The following OR9Q1 variants were observed in gnomAD, a reference collection of about 807,000 sequenced individuals.
OR9Q1 encodes the protein olfactory receptor 9Q1.
For synonymous variants in OR9Q1, 153 were observed against 148.6 expected, an observed-to-expected ratio of 1.03 and a Z score of -0.22; for missense variants, 374 against 378.8, an observed-to-expected ratio of 0.99 and a Z score of 0.11.
intron 2 of OR9Q1, among the ~76,000 whole-genome samples, chr11:58,126,646 A>G (rs1364859054): frequency 2.6e-5 from 4 of 152,218 alleles, no homozygotes; most frequent in African/African-American, 9.6e-5. Flanking sequence ...TCTACCTTCC[A>G]ATACATTTTT....
rs557230196 is a variant in OR9Q1, at chr11:58,024,303, C to G, written c.-93+199C>G. Among the ~76,000 whole-genome samples the G allele has an allele frequency of 1.2e-3, 177 of 152,220 alleles. 1 individual carries two copies. The highest frequency in any genetic ancestry group is 4.1e-3 in the African/African-American group (172 of 41,544). ...CCTGGGCATCTCCTAGCCCCGCTGT[C>G]TGTCTCATAACACCCACCCACTGCG... On this transcript the variant is annotated intron_variant, in intron 1 of 2. Transcript: ENST00000335397.
chr11:58,179,147 C>T (rs1018776666), intron 2 of OR9Q1, among the ~76,000 whole-genome samples: 1 of 151,224 alleles, frequency 6.6e-6, no homozygotes, highest in South Asian at 2.1e-4. Flanking sequence ...GCCTCTCTCC[C>T]GAGTAGCTGG....
intron 2 of OR9Q1, among the ~76,000 whole-genome samples, chr11:58,154,026 A>G (rs1854379846): frequency 6.6e-6 from 1 of 152,066 alleles, no homozygotes; most frequent in South Asian, 2.1e-4. Context: ...AAGGCCAGAA[A>G]GCTGTATTTA....
chr11:58,115,358 G>A (rs1240864893), intron 2 of OR9Q1, among the ~76,000 whole-genome samples: 1 of 152,032 alleles, frequency 6.6e-6, no homozygotes, highest in Non-Finnish European at 1.5e-5. Context: ...AATTCAAGAG[G>A]ATATTGTACA....
intron 2 of OR9Q1, chr11:58,109,269 G>A (rs893030004): frequency 2.2e-6 from 1 of 462,822 alleles, no homozygotes; most frequent in Non-Finnish European, 4.4e-6. Flanking sequence ...TCATGTTACA[G>A]TGCAGTGGAT....
intron 2 of OR9Q1, among the ~76,000 whole-genome samples, chr11:58,114,517 G>A (rs535077181): frequency 6.6e-6 from 1 of 152,206 alleles, no homozygotes; most frequent in Admixed American, 6.5e-5. Context: ...GCTGACTACA[G>A]GGATATTAAA....
intron 2 of OR9Q1, among the ~76,000 whole-genome samples, chr11:58,150,957 G>A (rs999206333): frequency 3.9e-5 from 6 of 152,018 alleles, no homozygotes; most frequent in Admixed American, 3.9e-4. Context: ...ATGTGCTTTT[G>A]GTATGATACC....
At chr11:58,086,350 T>TA (rs1853633974) in intron 2 of OR9Q1, among the ~76,000 whole-genome samples, 1 of 151,832 alleles carries the variant, frequency 6.6e-6, no homozygotes, top group Non-Finnish European at 1.5e-5. Context: ...ATTAAAAAGA[T>TA]AAAAGATGAG....
At chr11:58,064,758 G>A (rs1258114509) in intron 2 of OR9Q1, among the ~76,000 whole-genome samples, 1 of 152,058 alleles carries the variant, frequency 6.6e-6, no homozygotes. Flanking sequence ...AAGGACAGAA[G>A]GAGTTAGATT....
At chr11:58,077,937 A>C (rs907295826) in intron 2 of OR9Q1, 1 of 152,006 alleles carries the variant, frequency 6.6e-6, no homozygotes, top group East Asian at 1.9e-4. Context: ...TGGGCAGATC[A>C]TTTGAGGCCA....
At chr11:58,143,508 T>G (rs1451875079) in intron 2 of OR9Q1, among the ~76,000 whole-genome samples, 1 of 152,232 alleles carries the variant, frequency 6.6e-6, no homozygotes, top group African/African-American at 2.4e-5. Flanking sequence ...GCTTTGCCTA[T>G]TTACCAATTG....
At chr11:58,104,482 A>G (rs1239311852) in intron 2 of OR9Q1, among the ~76,000 whole-genome samples, 4 of 152,188 alleles carry the variant, frequency 2.6e-5, no homozygotes, top group Non-Finnish European at 4.4e-5. Context: ...CCTATACAAA[A>G]TAAGCTTTTG....
intron 2 of OR9Q1, among the ~76,000 whole-genome samples, chr11:58,141,691 T>A (rs982620506): frequency 5.3e-5 from 8 of 152,270 alleles, no homozygotes; most frequent in Admixed American, 1.3e-4. Context: ...AGTGTCTAGA[T>A]GTTGACGCTG....
At chr11:58,050,375 T>A (rs1240658890) in intron 1 of OR9Q1, among the ~76,000 whole-genome samples, 3 of 142,384 alleles carry the variant, frequency 2.1e-5, no homozygotes, top group African/African-American at 7.8e-5. Context: ...TAAATGGTGC[T>A]GGGAAAACTG....
chr11:58,162,482 A>G (rs1217076684), intron 2 of OR9Q1, among the ~76,000 whole-genome samples: 1 of 152,308 alleles, frequency 6.6e-6, no homozygotes, highest in East Asian at 1.9e-4. Flanking sequence ...ATGCCACGCT[A>G]TGGTAGTTGG....
chr11:58,133,224 T>TTTTTGTTTTG (rs141914621), intron 2 of OR9Q1, among the ~76,000 whole-genome samples: 1 of 152,028 alleles, frequency 6.6e-6, no homozygotes, highest in Non-Finnish European at 1.5e-5. Flanking sequence ...TCTTTGTTTC[T>TTTTTGTTTTG]TTTTGTTTTG....
At chr11:58,027,356 T>C (rs1246652443) in intron 1 of OR9Q1, among the ~76,000 whole-genome samples, 1 of 152,192 alleles carries the variant, frequency 6.6e-6, no homozygotes, top group Non-Finnish European at 1.5e-5. Context: ...CATGTAACAG[T>C]CCTGTGTGAG....
chr11:58,146,527 G>C (rs921721646), intron 2 of OR9Q1, among the ~76,000 whole-genome samples: 1 of 152,142 alleles, frequency 6.6e-6, no homozygotes, highest in African/African-American at 2.4e-5. Context: ...GATAGATATG[G>C]TTCCTTCAGC....
chr11:58,146,511 A>C (rs1194129753), intron 2 of OR9Q1, among the ~76,000 whole-genome samples: 1 of 152,152 alleles, frequency 6.6e-6, no homozygotes, highest in Non-Finnish European at 1.5e-5. Context: ...TTAGAGTAAT[A>C]AATAAGATAG....
Sources: allele counts gnomAD v4.1 joint callset (sites outside exome capture counted in the v4.1 genomes callset), GRCh38; gene constraint gnomAD v4.1.1; transcripts MANE v1.5; gene names NCBI Gene and HGNC (gene_info 2026-07-23, HGNC 2026-07-21).